Variants in PKP1 observed in about 807,000 individuals in gnomAD.
The protein encoded by PKP1 is plakophilin-1.
A neutral mutation model predicts 76.4 loss-of-function variants in PKP1; 27 were observed. The ratio of observed to expected loss-of-function variants is 0.35; its 90% CI spans 0.26 to 0.49. The LOEUF is 0.49. Ranked by LOEUF, PKP1 falls within the 20% of genes least tolerant of loss-of-function variation. The pLI is 0.99. For missense variants in PKP1, 964 were observed against 955.2 expected, an observed-to-expected ratio of 1.01 and a Z score of -0.12; for synonymous variants, 404 against 384.2, an observed-to-expected ratio of 1.05 and a Z score of -0.60.
chr1:201,289,453 G>A (rs1031713763), intron 1 of PKP1, among the ~76,000 whole-genome samples: 19 of 152,168 alleles, frequency 1.2e-4, no homozygotes, highest in African/African-American at 2.7e-4. Flanking sequence ...AATGTGTTCC[G>A]AGCAGCTTGC....
chr1:201,325,376 C>T (rs541358229), intron 11 of PKP1, among the ~76,000 whole-genome samples: 1 of 151,986 alleles, frequency 6.6e-6, no homozygotes, highest in Non-Finnish European at 1.5e-5. Flanking sequence ...CTGGGGGACT[C>T]GGGGGCACAA....
intron 1 of PKP1, among the ~76,000 whole-genome samples, chr1:201,291,542 T>C (rs1006983477): frequency 6.6e-6 from 1 of 152,054 alleles, no homozygotes; most frequent in Non-Finnish European, 1.5e-5. Context: ...GAGAGCAGCA[T>C]CATGCTGACA....
At chr1:201,304,274 G>A (rs940107689) in intron 2 of PKP1, among the ~76,000 whole-genome samples, 4 of 152,190 alleles carry the variant, frequency 2.6e-5, no homozygotes, top group Admixed American at 2.6e-4. Context: ...AGAAGATCCA[G>A]GGCTCAGCTT....
chr1:201,318,745 C>T lies in PKP1; in HGVS notation c.1182C>T (p.Ser394=), dbSNP rs547203776. 1.6e-5 allele frequency: 25 copies of T among 1,611,432 alleles called. No individual in the cohort carries two copies. The South Asian group carries it at 2.6e-4, about 17-fold the overall frequency. Reference sequence around the variant, plus strand: ...GGTGCGATGGCAATAGCAACATGTCCCGGGAAGTGGTGGACCCTGAGGTCT... The same window carrying T: ...GGTGCGATGGCAATAGCAACATGTCTCGGGAAGTGGTGGACCCTGAGGTCT... The part of the protein sequence containing the change: ...SGWCDGNSNM[S]REVVDPEVFF... The change falls in exon 6 of 14, where the codon TCC becomes TCT. Residue 394 remains serine (S), a synonymous_variant. Transcript: ENST00000367324.
At position 201,316,609 on chromosome 1, in the gene PKP1, A is replaced by G; in HGVS notation, c.758A>G (p.Tyr253Cys). The G allele has an allele frequency of 6.2e-7, 1 of 1,612,864 alleles. No homozygotes were observed. The highest frequency in any genetic ancestry group is 8.5e-7 in the Non-Finnish European group (1 of 1,179,512). Reference sequence around the variant, plus strand: ...CTGACCATCCCCAAGGCTGTGCAGTACCTGAGCTCCCAGGATGAGAAGTAC... The same window carrying G: ...CTGACCATCCCCAAGGCTGTGCAGTGCCTGAGCTCCCAGGATGAGAAGTAC... ...SGLTIPKAVQ[Y>C]LSSQDEKYQA... Residue 253 changes from tyrosine to cysteine, a missense_variant, in exon 4 of 14, where the codon TAC becomes TGC. Transcript: ENST00000367324.
intron 1 of PKP1, among the ~76,000 whole-genome samples, chr1:201,291,865 C>T (rs1238793157): frequency 1.3e-5 from 2 of 152,244 alleles, no homozygotes; most frequent in South Asian, 2.1e-4. Context: ...GCTGCAGCCC[C>T]CTTCCTTGGG....
At chr1:201,315,491 A>G (rs1170165889) in intron 3 of PKP1, among the ~76,000 whole-genome samples, 1 of 152,182 alleles carries the variant, frequency 6.6e-6, no homozygotes, top group Non-Finnish European at 1.5e-5. Flanking sequence ...AGAGGTTCTT[A>G]GAAGAGAGGT....
intron 12 of PKP1, 54 bp from the exon 13 acceptor site, chr1:201,328,708 A>G: frequency 6.5e-7 from 1 of 1,535,658 alleles, no homozygotes; most frequent in Non-Finnish European, 9.0e-7. Flanking sequence ...GTCTGACCCC[A>G]CAGCAAGCCC....
intron 7 of PKP1, among the ~76,000 whole-genome samples, chr1:201,321,047 CA>C (rs1187653441): frequency 2.0e-5 from 3 of 152,192 alleles, no homozygotes; most frequent in African/African-American, 7.2e-5. Flanking sequence ...GACAGTGGCT[CA>C]GGAGATAGTG....
intron 1 of PKP1, among the ~76,000 whole-genome samples, chr1:201,287,304 C>A (rs1324325723): frequency 6.6e-6 from 1 of 152,168 alleles, no homozygotes; most frequent in Non-Finnish European, 1.5e-5. Context: ...GAGAGGGGGG[C>A]ATGCTTGTAC....
chr1:201,284,536 G>A (rs563261853), intron 1 of PKP1, among the ~76,000 whole-genome samples: 1 of 152,240 alleles, frequency 6.6e-6, no homozygotes, highest in Non-Finnish European at 1.5e-5. Flanking sequence ...GTGGCACAGG[G>A]AGCAGGGACG....
At chr1:201,304,088 G>A (rs1656306572) in intron 2 of PKP1, among the ~76,000 whole-genome samples, 1 of 152,170 alleles carries the variant, frequency 6.6e-6, no homozygotes, top group African/African-American at 2.4e-5. Flanking sequence ...AACCTGGAGA[G>A]GGCCCCCAGG....
rs112600147 is a variant in PKP1, at chr1:201,298,815, T to C, written c.306+4770T>C. Among the ~76,000 whole-genome samples, 960 of 152,382 alleles carry C rather than the reference T, an allele frequency of 6.3e-3. 12 individuals are homozygous for C. Among genetic ancestry groups the C allele is most frequent in the African/African-American group, 0.022 (909 of 41,590 alleles). On this transcript the variant is annotated intron_variant, in intron 2 of 13. Transcript: ENST00000367324. ...TAACTGATATGTCTGTATTTGACGA[T>C]CCCATTGTGACAGAGTCTTGTGGAC...
intron 6 of PKP1, 99 bp from the exon 7 acceptor site, chr1:201,320,168 C>A (rs1656891571): frequency 1.3e-6 from 1 of 788,684 alleles, no homozygotes; most frequent in Admixed American, 2.0e-5. Context: ...CCTGCCTGTT[C>A]TCTCTCCTGC....
rs550214813 is a variant in PKP1 at position 201,318,495 on chromosome 1, G to A, written c.1055-123G>A. On this transcript the variant is annotated intron_variant, in intron 5 of 13. Coordinates refer to ENST00000367324, the MANE Select transcript of PKP1 (RefSeq NM_001005337.3). The stretch of plus-strand genomic sequence containing the variant: ...ACAGACAATAGGTTCTACAGACCAG[G>A]GCTACCTGGAAAGCGACATTTCAGT... 13 of 802,562 alleles carry A rather than the reference G, an allele frequency of 1.6e-5. No homozygotes were observed. In the African/African-American group the frequency reaches 2.2e-4, roughly 14 times the overall value. 49.7% of individuals were successfully genotyped at this position (802,562 alleles called of 1,614,324 possible).
chr1:201,332,412 G>A lies in PKP1; in HGVS notation c.*2371G>A, dbSNP rs901858776. The A allele has an allele frequency of 6.6e-6, 1 of 152,276 alleles. No individual in the cohort carries two copies. Among genetic ancestry groups the A allele is most frequent in the African/African-American group, 2.4e-5 (1 of 41,472 alleles). 9.4% of individuals were successfully genotyped at this position (152,276 alleles called of 1,614,324 possible). Reference sequence around the variant, plus strand: ...GCCAGCTCAGGTCACCCGGGCCTCTGACCCAGGCCTGTCACTTTGAGAGGG... The same window carrying A: ...GCCAGCTCAGGTCACCCGGGCCTCTAACCCAGGCCTGTCACTTTGAGAGGG... On this transcript the variant is annotated 3_prime_UTR_variant, in exon 14 of 14. Transcript: ENST00000367324.
At chr1:201,296,395 A>T (rs1656070406) in intron 2 of PKP1, among the ~76,000 whole-genome samples, 1 of 152,194 alleles carries the variant, frequency 6.6e-6, no homozygotes, top group Admixed American at 6.5e-5. Flanking sequence ...CTGGCACAGG[A>T]CGATGTTATT....
chr1:201,284,000 G>A, intron 1 of PKP1, 96 bp downstream of exon 1: 3 of 1,098,126 alleles, frequency 2.7e-6, no homozygotes, highest in Non-Finnish European at 4.1e-6. Flanking sequence ...CCGGGGATGA[G>A]GGGAGGCGAG....
At chr1:201,293,517 T>G (rs1321431439) in intron 1 of PKP1, among the ~76,000 whole-genome samples, 1 of 152,206 alleles carries the variant, frequency 6.6e-6, no homozygotes, top group East Asian at 1.9e-4. Flanking sequence ...AATCAGCTGT[T>G]GCTGCTGGAC....
Sources: allele counts gnomAD v4.1 joint callset (sites outside exome capture counted in the v4.1 genomes callset), GRCh38; gene constraint gnomAD v4.1.1; transcripts MANE v1.5; gene names NCBI Gene and HGNC (gene_info 2026-07-23, HGNC 2026-07-21).